Variants in SLCO2A1 observed in about 807,000 individuals in gnomAD.
The protein encoded by SLCO2A1 is matrin F/G 1.
Under a neutral mutation model 71.7 loss-of-function variants are expected in SLCO2A1, and 60 were observed. That is an observed-to-expected ratio of 0.84 (90% CI 0.68 to 1.04). The LOEUF is 1.04. Among genes scored for constraint, SLCO2A1 ranks in the 50% least tolerant of loss-of-function variants. The probability of loss-of-function intolerance (pLI) is 0.00; values close to 1 mark genes in which losing one functional copy is unlikely to be tolerated. For synonymous variants in SLCO2A1, 308 were observed against 326.7 expected (o/e 0.94, Z 0.62); for missense variants, 745 against 813.4 (o/e 0.92, Z 1.02).
At chr3:134,012,434 G>A (rs1456622905) in intron 1 of SLCO2A1, among the ~76,000 whole-genome samples, 1 of 152,166 alleles carries the variant, frequency 6.6e-6, no homozygotes, top group Non-Finnish European at 1.5e-5. Context: ...TTGTGCTACA[G>A]TGAGCTCCCC....
Position 133,953,748 on chromosome 3 carries a change from G to A in SLCO2A1, c.639C>T (p.Ala213=). The change falls in exon 5 of 14, where the codon GCC becomes GCT. Residue 213 remains alanine, a synonymous_variant. Coordinates refer to ENST00000310926, the MANE Select transcript of SLCO2A1 (RefSeq NM_005630.3). The part of the protein sequence containing the change: ...NSPLYISILF[A]ISVFGPAFGY... ...CGAAAGCCGGTCCAAATACAGAGATGGCAAATAAGATGGCTGGAAAAGGAA... is the reference window on the plus strand; with the variant it reads ...CGAAAGCCGGTCCAAATACAGAGATAGCAAATAAGATGGCTGGAAAAGGAA... 6.2e-7 allele frequency: 1 copy of A among 1,614,024 alleles called. No homozygotes were observed. The highest frequency in any genetic ancestry group is 1.7e-5 in the Admixed American group (1 of 60,010).
rs1559929145 is a variant in SLCO2A1, at chr3:133,942,625, G to A, written c.1605C>T (p.Pro535=). Residue 535 remains proline, a synonymous_variant, in exon 11 of 14, where the codon CCC becomes CCT. Transcript: ENST00000310926. ...CTCACCGCAGAACCATCATGTAGAG[G>A]GGGTTGTGGGAGATGCAGGCTATCA... ...VSLIACISHN[P]LYMMVLRVVN... 1 of 1,613,410 alleles carries A rather than the reference G, an allele frequency of 6.2e-7. No homozygotes were observed. Among genetic ancestry groups the A allele is most frequent in the African/African-American group, 1.3e-5 (1 of 74,966 alleles).
chr3:133,962,793 C>G (rs1934070545), intron 3 of SLCO2A1, among the ~76,000 whole-genome samples: 1 of 152,214 alleles, frequency 6.6e-6, no homozygotes, highest in African/African-American at 2.4e-5. Flanking sequence ...ACCTTTCCAC[C>G]AAGTCAAATC....
rs185271624 is a variant in SLCO2A1, at chr3:133,984,588, G to A, written c.97-4970C>T. ...GCTTATGTGATGGGACCATGACCTC[G>A]GCTGCTCGAACTTACCAAGTACCTC... On this transcript the variant is annotated intron_variant, in intron 1 of 13. Coordinates refer to ENST00000310926, the MANE Select transcript of SLCO2A1 (RefSeq NM_005630.3). 2.6e-5 allele frequency among the ~76,000 whole-genome samples: 4 copies of A among 152,240 alleles called. No individual in the cohort carries two copies. In the East Asian group the frequency reaches 5.8e-4, roughly 22 times the overall value.
intron 3 of SLCO2A1, among the ~76,000 whole-genome samples, chr3:133,957,660 C>A (rs62269155): frequency 6.6e-6 from 1 of 152,060 alleles, no homozygotes; most frequent in African/African-American, 2.4e-5. Flanking sequence ...TGGGACCTTA[C>A]ACCTACTTCC....
intron 2 of SLCO2A1, among the ~76,000 whole-genome samples, chr3:133,977,915 A>G (rs1220339009): frequency 4.6e-5 from 7 of 152,058 alleles, no homozygotes; most frequent in Non-Finnish European, 2.9e-5. Flanking sequence ...TCAGGATAGC[A>G]ATACAAGCAG....
intron 1 of SLCO2A1, among the ~76,000 whole-genome samples, chr3:133,999,634 A>C (rs1053881883): frequency 6.6e-6 from 1 of 152,208 alleles, no homozygotes. Context: ...CAGGAAGATG[A>C]GGAGAGATCC....
chr3:133,984,974 C>T (rs1210833479), intron 1 of SLCO2A1, among the ~76,000 whole-genome samples: 1 of 152,120 alleles, frequency 6.6e-6, no homozygotes, highest in Non-Finnish European at 1.5e-5. Flanking sequence ...GTTGCAGGCC[C>T]CTGCCACCTG....
At chr3:134,019,937 G>A (rs1935536904) in intron 1 of SLCO2A1, among the ~76,000 whole-genome samples, 1 of 152,016 alleles carries the variant, frequency 6.6e-6, no homozygotes, top group South Asian at 2.1e-4. Flanking sequence ...GAAAGAAAAA[G>A]TAAAAACTAA....
chr3:133,945,370 A>G, intron 9 of SLCO2A1, 110 bp from the exon 10 acceptor site: 1 of 1,135,750 alleles, frequency 8.8e-7, no homozygotes, highest in African/African-American at 1.6e-5. Flanking sequence ...GTGCATCTTT[A>G]TTTCTTTTGG....
intron 3 of SLCO2A1, among the ~76,000 whole-genome samples, chr3:133,962,699 T>C (rs1934067479): frequency 6.6e-6 from 1 of 152,200 alleles, no homozygotes; most frequent in African/African-American, 2.4e-5. Flanking sequence ...CTCTCATTGC[T>C]TCGCAAGCAC....
At chr3:133,985,093 G>A (rs866566315) in intron 1 of SLCO2A1, among the ~76,000 whole-genome samples, 11 of 152,134 alleles carry the variant, frequency 7.2e-5, no homozygotes, top group Non-Finnish European at 1.2e-4. Flanking sequence ...TAACTTCCCG[G>A]TTGCTTTCAG....
chr3:134,015,230 T>C (rs1935422566), intron 1 of SLCO2A1, among the ~76,000 whole-genome samples: 1 of 152,244 alleles, frequency 6.6e-6, no homozygotes, highest in Non-Finnish European at 1.5e-5. Context: ...AAATGTGGCA[T>C]GTATACATAT....
rs747730514 is a variant in SLCO2A1 at position 133,945,100 on chromosome 3, G to T, written c.1456C>A (p.Gln486Lys). ...NINMSSATSK[Q>K]LIYLNCSCVT... The stretch of plus-strand genomic sequence containing the variant: ...TGGACCCTGGCTGCCCTTACCAGTT[G>T]CTTGGAGGTTGCAGAGCTCATGTTG... The change falls in exon 10 of 14, where the codon CAA becomes AAA. Residue 486 changes from glutamine (Q) to lysine (K), a missense_variant. Transcript: ENST00000310926. The T allele has an allele frequency of 1.2e-6, 2 of 1,612,346 alleles. No individual in the cohort carries two copies. The highest frequency in any genetic ancestry group is 4.5e-5 in the East Asian group (2 of 44,870).
chr3:134,029,740 G>A lies in SLCO2A1; in HGVS notation c.63C>T (p.Gly21=), dbSNP rs372764663. 5.0e-6 allele frequency: 8 copies of A among 1,587,974 alleles called. No individual in the cohort carries two copies. In the African/African-American group the frequency reaches 8.2e-5, roughly 16 times the overall value. The change falls in exon 1 of 14, where the codon GGC becomes GGT. Residue 21 remains glycine, a synonymous_variant. Transcript: ENST00000310926. ...TGCCGAAGACCGAGCGGGCACAGCG[G>A]CCGGCTCGGCTAGTAGAGGTGTCGC... ...QGSDTSTSRA[G]RCARSVFGNI... is the part of the protein sequence containing the mutation.
intron 1 of SLCO2A1, among the ~76,000 whole-genome samples, chr3:133,995,291 G>A (rs1199139318): frequency 6.6e-6 from 1 of 152,116 alleles, no homozygotes; most frequent in Non-Finnish European, 1.5e-5. Context: ...TCACAGCCCT[G>A]TAAAAACCCT....
chr3:133,995,840 A>C (rs1285360961), intron 1 of SLCO2A1, among the ~76,000 whole-genome samples: 2 of 152,226 alleles, frequency 1.3e-5, no homozygotes, highest in African/African-American at 4.8e-5. Context: ...AGTGAATATA[A>C]AATTAACAAA....
At chr3:133,980,644 C>A (rs7646298) in intron 1 of SLCO2A1, among the ~76,000 whole-genome samples, 1 of 152,144 alleles carries the variant, frequency 6.6e-6, no homozygotes, top group Non-Finnish European at 1.5e-5. Context: ...TGAACAGCTG[C>A]CATCACAGGA....
At chr3:133,959,560 C>T (rs534166323) in intron 3 of SLCO2A1, among the ~76,000 whole-genome samples, 86 of 152,210 alleles carry the variant, frequency 5.7e-4, no homozygotes, top group Admixed American at 1.1e-3. Context: ...CGTGACGGCG[C>T]GCACCTGTAA....
Sources: allele counts gnomAD v4.1 joint callset (sites outside exome capture counted in the v4.1 genomes callset), GRCh38; gene constraint gnomAD v4.1.1; transcripts MANE v1.5; gene names NCBI Gene and HGNC (gene_info 2026-07-23, HGNC 2026-07-21).